Variants in MYO16 observed in about 807,000 individuals in gnomAD.
MYO16 encodes the protein unconventional myosin-XVI.
MYO16 carries 94 observed loss-of-function variants against 205.3 expected under a neutral mutation model. The observed-to-expected ratio is 0.46, with a 90% CI of 0.39 to 0.54. The LOEUF (loss-of-function observed/expected upper bound fraction) is 0.54, where lower values mean the gene tolerates loss of function less well. Ranked by LOEUF, MYO16 falls within the 20% of genes least tolerant of loss-of-function variation. The probability of loss-of-function intolerance (pLI) is 0.00; values close to 1 mark genes in which losing one functional copy is unlikely to be tolerated. For missense variants in MYO16, 2,315 were observed against 2,387.5 expected (o/e 0.97, Z 0.63); for synonymous variants, 988 against 954.0 (o/e 1.04, Z -0.66).
At chr13:108,831,228 C>A (rs1291598710) in intron 9 of MYO16, among the ~76,000 whole-genome samples, 2 of 152,120 alleles carry the variant, frequency 1.3e-5, no homozygotes, top group African/African-American at 4.8e-5. Context: ...GTCCTGGCCA[C>A]TAAAACACAT....
intron 32 of MYO16, among the ~76,000 whole-genome samples, chr13:109,150,075 G>A (rs1852442784): frequency 6.6e-6 from 1 of 152,110 alleles, no homozygotes; most frequent in East Asian, 1.9e-4. Flanking sequence ...AATGGGTGGT[G>A]GGCCCTCACC....
At chr13:108,851,938 T>A (rs1395521901) in intron 10 of MYO16, among the ~76,000 whole-genome samples, 1 of 151,962 alleles carries the variant, frequency 6.6e-6, no homozygotes, top group Non-Finnish European at 1.5e-5. Context: ...TGCTGCTGCC[T>A]CCTCCCACCT....
Position 108,673,973 on chromosome 13 carries a change from T to C in MYO16, c.292+7824T>C, listed in dbSNP as rs555705822. Among the ~76,000 whole-genome samples the C allele has an allele frequency of 3.3e-5, 5 of 152,292 alleles. No homozygotes were observed. The East Asian group carries it at 9.7e-4, about 29-fold the overall frequency. ...TTTGTAAAGTATTGATGGCTTTACCTCTTCTGAATAATCTACAGGACATAT... is the reference window on the plus strand; with the variant it reads ...TTTGTAAAGTATTGATGGCTTTACCCCTTCTGAATAATCTACAGGACATAT... On this transcript the variant is annotated intron_variant, in intron 2 of 34. Coordinates refer to ENST00000457511, the MANE Select transcript of MYO16 (RefSeq NM_001198950.3).
rs1212978560 is a variant in MYO16 at position 109,206,609 on chromosome 13, GTAATCCATCAGC to G, written c.5418_5429del (p.Ile1807_Leu1810del). The stretch of plus-strand genomic sequence containing the variant: ...TTTTCTGCCCCTCTTCCTCCCACAG[GTAATCCATCAGC>G]TGAGGCTCTCAGAGAATGAAAGTGT... On this transcript the variant is annotated inframe_deletion and splice_region_variant, in exon 35 of 35. Coordinates refer to ENST00000457511, the MANE Select transcript of MYO16 (RefSeq NM_001198950.3). 76 of 1,610,042 alleles carry G rather than the reference GTAATCCATCAGC, an allele frequency of 4.7e-5. No homozygotes were observed. Among genetic ancestry groups the G allele is most frequent in the Non-Finnish European group, 5.9e-5 (69 of 1,176,824 alleles).
At chr13:109,119,528 C>T (rs1377128088) in intron 28 of MYO16, among the ~76,000 whole-genome samples, 1 of 152,142 alleles carries the variant, frequency 6.6e-6, no homozygotes, top group Non-Finnish European at 1.5e-5. Context: ...GAGGGGTATT[C>T]CTCACACCTA....
intron 2 of MYO16, among the ~76,000 whole-genome samples, chr13:108,695,912 A>G (rs1179255115): frequency 1.3e-5 from 2 of 152,226 alleles, no homozygotes; most frequent in Non-Finnish European, 2.9e-5. Context: ...TTAACCACAT[A>G]AAGGAGGAAC....
intron 14 of MYO16, among the ~76,000 whole-genome samples, chr13:108,890,727 C>G (rs1231992826): frequency 6.6e-6 from 1 of 152,200 alleles, no homozygotes. Context: ...CAGCCTGTAT[C>G]ACCAGAGACT....
intron 1 of MYO16, among the ~76,000 whole-genome samples, chr13:108,600,401 A>G (rs1415651186): frequency 1.3e-5 from 2 of 152,194 alleles, no homozygotes; most frequent in Non-Finnish European, 2.9e-5. Flanking sequence ...ACAATGCATC[A>G]AAGGTGCTTA....
At chr13:108,653,218 C>A (rs1881090559) in intron 1 of MYO16, among the ~76,000 whole-genome samples, 1 of 152,164 alleles carries the variant, frequency 6.6e-6, no homozygotes, top group African/African-American at 2.4e-5. Context: ...GTCCTTTTCC[C>A]ATTTTTAATC....
intron 20 of MYO16, among the ~76,000 whole-genome samples, chr13:108,977,161 G>C (rs1424324465): frequency 6.6e-6 from 1 of 152,080 alleles, no homozygotes; most frequent in Non-Finnish European, 1.5e-5. Context: ...CCTTTGCTAA[G>C]TTCATATGGT....
chr13:108,882,931 C>A, intron 12 of MYO16, 128 bp from the exon 13 acceptor site: 2 of 1,295,060 alleles, frequency 1.5e-6, no homozygotes, highest in Non-Finnish European at 2.1e-6. Flanking sequence ...TTTTTACATA[C>A]CAATGAGATT....
intron 21 of MYO16, among the ~76,000 whole-genome samples, chr13:108,998,952 C>A (rs1461928547): frequency 6.6e-6 from 1 of 152,192 alleles, no homozygotes; most frequent in Non-Finnish European, 1.5e-5. Context: ...GATAACCTAG[C>A]TTCAGAGGTC....
At chr13:108,582,293 T>C in the MYO16 span, among the ~76,000 whole-genome samples, 4 of 152,160 alleles carry the variant, frequency 2.6e-5, no homozygotes, top group Non-Finnish European at 5.9e-5. Context: ...ATTTAGTTTT[T>C]CCTCTTGACT....
intron 4 of MYO16, among the ~76,000 whole-genome samples, chr13:108,728,095 A>G (rs747798333): frequency 6.6e-6 from 1 of 152,196 alleles, no homozygotes; most frequent in Admixed American, 6.5e-5. Flanking sequence ...TGATCCTCAC[A>G]CATACTTTAT....
the MYO16 span, among the ~76,000 whole-genome samples, chr13:108,560,404 C>T: frequency 6.6e-6 from 1 of 152,242 alleles, no homozygotes; most frequent in African/African-American, 2.4e-5. Flanking sequence ...CCAAATTTGT[C>T]AAGATAAAAT....
At chr13:108,664,924 C>T (rs969147461) in intron 1 of MYO16, among the ~76,000 whole-genome samples, 17 of 152,062 alleles carry the variant, frequency 1.1e-4, no homozygotes, top group South Asian at 8.3e-4. Context: ...AAACAAGAAC[C>T]GTAGCAGCCA....
intron 31 of MYO16, among the ~76,000 whole-genome samples, chr13:109,129,940 T>A (rs754543451): frequency 5.0e-5 from 7 of 140,192 alleles, no homozygotes; most frequent in Non-Finnish European, 9.2e-5. Context: ...GGGGATCAAA[T>A]AGGAAGAAGC....
chr13:109,143,531 A>G lies in MYO16; in HGVS notation c.5164+2155A>G, dbSNP rs185828668. On this transcript the variant is annotated intron_variant, in intron 32 of 34. Transcript: ENST00000457511. The stretch of plus-strand genomic sequence containing the variant: ...AGAACTAAAAGTTTATTAAAACCTC[A>G]TGAACCTCATTTTACTAGAGAAAGG... Among the ~76,000 whole-genome samples the G allele has an allele frequency of 6.6e-4, 100 of 152,314 alleles. No individual in the cohort carries two copies. In the Middle Eastern group the frequency reaches 0.017, roughly 26 times the overall value.
intron 23 of MYO16, among the ~76,000 whole-genome samples, chr13:109,040,385 C>CACACACAGAGAGAGAG (rs1394314811): frequency 4.4e-5 from 5 of 113,284 alleles, no homozygotes; most frequent in African/African-American, 1.6e-4. Context: ...CACACACACA[C>CACACACAGAGAGAGAG]AGAGAGAGAG....
Sources: gnomAD v4.1 joint callset for allele counts (sites outside exome capture counted in the v4.1 genomes callset) on GRCh38, gnomAD v4.1.1 for gene constraint, MANE v1.5 for transcripts, NCBI Gene and HGNC (gene_info 2026-07-23, HGNC 2026-07-21) for gene names.